The following KIAA1549 variants were observed in gnomAD, a reference collection of about 807,000 sequenced individuals.
The protein encoded by KIAA1549 is KIAA1549, also known as UPF0606 protein KIAA1549.
A neutral mutation model predicts 156.4 loss-of-function variants in KIAA1549; 70 were observed. The observed-to-expected ratio is 0.45, with a 90% confidence interval of 0.37 to 0.55. The LOEUF (loss-of-function observed/expected upper bound fraction) is 0.55. Ranked by LOEUF, KIAA1549 falls within the 20% of genes least tolerant of loss-of-function variation. The pLI, the probability that KIAA1549 is intolerant of heterozygous loss-of-function variation, is 0.00. For missense variants in KIAA1549, 2,428 were observed against 2,540.9 expected, an observed-to-expected ratio of 0.96 and a Z score of 0.96; for synonymous variants, 1,103 against 1,066.4, an observed-to-expected ratio of 1.03 and a Z score of -0.67.
rs780665573 is a variant in KIAA1549 at position 138,916,883 on chromosome 7, C to A, written c.2743G>T (p.Ala915Ser). Residue 915 changes from alanine to serine, a missense_variant, in exon 2 of 20, where the codon GCT becomes TCT. This residue lies in a region of KIAA1549 where 762 missense variants were observed against 901.6 expected (regional missense o/e 0.85). Transcript: ENST00000422774. Reference protein sequence around the residue: ...ASQSPPESSAAPPLPSLRPVT... With the variant: ...ASQSPPESSASPPLPSLRPVT... ...GGACGCAGGGATGGCAGGGGAGGAG[C>A]AGCACTACTCTCTGGGGGGCTCTGA... is the stretch of plus-strand genomic sequence containing the variant. 2.9e-5 allele frequency: 46 copies of A among 1,613,632 alleles called. No homozygotes were observed. Among genetic ancestry groups the A allele is most frequent in the African/African-American group, 1.1e-4 (8 of 74,910 alleles).
At position 138,885,431 on chromosome 7, in the gene KIAA1549, G is replaced by A. The variant is rs144708153; in HGVS notation, c.4033-3847C>T. Among the ~76,000 whole-genome samples the A allele has an allele frequency of 3.5e-4, 53 of 152,086 alleles. No individual in the cohort carries two copies. In the East Asian group the frequency reaches 4.3e-3, roughly 12 times the overall value. On this transcript the variant is annotated intron_variant, in intron 10 of 19. Transcript: ENST00000422774. The stretch of plus-strand genomic sequence containing the variant: ...CCCATAAAACTTCCCTCCTGCCCCC[G>A]TCTCTTGCCCGACAGCCCCTTCTCT...
intron 1 of KIAA1549, among the ~76,000 whole-genome samples, chr7:138,980,598 G>A (rs544997607): frequency 6.6e-6 from 1 of 152,334 alleles, no homozygotes; most frequent in Admixed American, 6.5e-5. Context: ...GCTGTACGGG[G>A]GGACACGGCC....
chr7:138,874,529 T>C (rs1182810179), intron 12 of KIAA1549, among the ~76,000 whole-genome samples: 3 of 152,212 alleles, frequency 2.0e-5, no homozygotes, highest in Non-Finnish European at 4.4e-5. Flanking sequence ...TGCAGCAATA[T>C]GGCTGAGCTT....
Position 138,837,311 on chromosome 7 carries a change from T to C in KIAA1549, c.*595A>G. 4.4e-6 allele frequency: 1 copy of C among 228,586 alleles called. No individual in the cohort carries two copies. Among genetic ancestry groups the C allele is most frequent in the Non-Finnish European group, 8.7e-6 (1 of 115,210 alleles). The allele number at this position is 228,586 out of a possible 1,614,324, so 14.2% of individuals were successfully genotyped here. On this transcript the variant is annotated 3_prime_UTR_variant, in exon 20 of 20. Coordinates refer to ENST00000422774, the MANE Select transcript of KIAA1549 (RefSeq NM_001164665.2). Reference sequence around the variant, plus strand: ...CCAGAAGAAGGAGGAAGAATGCGGGTGATGGCTTTGTTTGGAGTCATCAGG... The same window carrying C: ...CCAGAAGAAGGAGGAAGAATGCGGGCGATGGCTTTGTTTGGAGTCATCAGG...
chr7:138,892,913 C>T (rs1475615922), intron 10 of KIAA1549, among the ~76,000 whole-genome samples: 2 of 152,162 alleles, frequency 1.3e-5, no homozygotes, highest in Non-Finnish European at 2.9e-5. Context: ...CAGGATGAGT[C>T]CTCCAAATCT....
At chr7:138,969,935 G>A (rs1043206691) in intron 1 of KIAA1549, among the ~76,000 whole-genome samples, 44 of 152,270 alleles carry the variant, frequency 2.9e-4, no homozygotes, top group African/African-American at 1.0e-3. Flanking sequence ...GGTAAATGGT[G>A]CGTCCATCCC....
intron 1 of KIAA1549, among the ~76,000 whole-genome samples, chr7:138,977,965 G>C (rs185075066): frequency 1.3e-4 from 20 of 152,330 alleles, no homozygotes; most frequent in African/African-American, 4.6e-4. Flanking sequence ...TTCCCAAAGT[G>C]CTGGGATTAC....
intron 1 of KIAA1549, among the ~76,000 whole-genome samples, chr7:138,947,021 T>G (rs1024190525): frequency 1.2e-4 from 18 of 152,218 alleles, no homozygotes; most frequent in African/African-American, 3.6e-4. Flanking sequence ...AAAACCACAG[T>G]AGAGCATTCA....
chr7:138,916,107 G>A (rs1812313304), intron 2 of KIAA1549, among the ~76,000 whole-genome samples: 1 of 152,110 alleles, frequency 6.6e-6, no homozygotes, highest in African/African-American at 2.4e-5. Context: ...GCATTTACAG[G>A]GACCTATAAG....
Position 138,917,264 on chromosome 7 carries a change from A to G in KIAA1549, c.2362T>C (p.Ser788Pro). 6.2e-7 allele frequency: 1 copy of G among 1,613,874 alleles called. No homozygotes were observed. Among genetic ancestry groups the G allele is most frequent in the Non-Finnish European group, 8.5e-7 (1 of 1,179,826 alleles). ...DILTAGIQAT[S>P]PLTTVHTTPI... Reference sequence around the variant, plus strand: ...GTTGTGTGGACAGTGGTCAATGGTGATGTTGCTTGAATCCCGGCAGTCAAA... The same window carrying G: ...GTTGTGTGGACAGTGGTCAATGGTGGTGTTGCTTGAATCCCGGCAGTCAAA... The change falls in exon 2 of 20, where the codon TCA becomes CCA. Residue 788 changes from serine (S) to proline (P), a missense_variant. Ser to Pro is a moderately conservative substitution (Grantham distance 74). Coordinates refer to ENST00000422774, the MANE Select transcript of KIAA1549 (RefSeq NM_001164665.2).
intron 1 of KIAA1549, among the ~76,000 whole-genome samples, chr7:138,956,910 C>G (rs1813682047): frequency 7.7e-6 from 1 of 129,120 alleles, no homozygotes; most frequent in Non-Finnish European, 1.6e-5. Context: ...AGGCCCAGTG[C>G]CAGGTGGAGG....
chr7:138,912,662 C>G (rs1812202965), intron 2 of KIAA1549, among the ~76,000 whole-genome samples: 1 of 151,914 alleles, frequency 6.6e-6, no homozygotes, highest in South Asian at 2.1e-4. Flanking sequence ...CAGTGGGGAC[C>G]TTGAAGACAC....
Position 138,861,439 on chromosome 7 carries a change from T to C in KIAA1549, c.4947A>G (p.Pro1649=). 1 of 1,610,758 alleles carries C rather than the reference T, an allele frequency of 6.2e-7. No homozygotes were observed. The highest frequency in any genetic ancestry group is 8.5e-7 in the Non-Finnish European group (1 of 1,178,506). The change falls in exon 16 of 20, where the codon CCA becomes CCG. Residue 1649 remains proline (P), a synonymous_variant. Coordinates refer to ENST00000422774, the MANE Select transcript of KIAA1549 (RefSeq NM_001164665.2). ...YIGCPSDPDL[P]ADVQTPSSVE... The stretch of plus-strand genomic sequence containing the variant: ...CCGAGGATGGTGTCTGCACATCGGC[T>C]GGGAGGTCAGGATCCGACTACAATG...
At chr7:138,978,023 A>G (rs976654667) in intron 1 of KIAA1549, among the ~76,000 whole-genome samples, 4 of 152,178 alleles carry the variant, frequency 2.6e-5, no homozygotes, top group African/African-American at 9.7e-5. Context: ...CTATGTAGCT[A>G]TTCATCAGCA....
chr7:138,849,491 C>T (rs1428493162), intron 17 of KIAA1549, among the ~76,000 whole-genome samples: 1 of 151,670 alleles, frequency 6.6e-6, no homozygotes, highest in Admixed American at 6.6e-5. Context: ...ATTTTGATTT[C>T]TTCAGGGTAC....
intron 1 of KIAA1549, among the ~76,000 whole-genome samples, chr7:138,975,243 CAA>C (rs1358719485): frequency 6.6e-6 from 1 of 151,926 alleles, no homozygotes; most frequent in Admixed American, 6.6e-5. Context: ...AAGAAAGAGA[CAA>C]AGAGAAAGAA....
At chr7:138,955,695 A>T (rs1431292034) in intron 1 of KIAA1549, among the ~76,000 whole-genome samples, 4 of 152,236 alleles carry the variant, frequency 2.6e-5, no homozygotes, top group Non-Finnish European at 5.9e-5. Context: ...TTGAAACACT[A>T]GGAAGATGCA....
At chr7:138,938,034 AC>A (rs1813068598) in intron 1 of KIAA1549, among the ~76,000 whole-genome samples, 1 of 152,040 alleles carries the variant, frequency 6.6e-6, no homozygotes, top group Non-Finnish European at 1.5e-5. Flanking sequence ...TTGAAACCTA[AC>A]CCGAAGGTGA....
intron 1 of KIAA1549, among the ~76,000 whole-genome samples, chr7:138,921,107 T>C (rs1156873716): frequency 6.6e-6 from 1 of 152,122 alleles, no homozygotes; most frequent in Non-Finnish European, 1.5e-5. Context: ...TTAGCCTAGA[T>C]AAGGAAAGAA....
Sources: allele counts gnomAD v4.1 joint callset (sites outside exome capture counted in the v4.1 genomes callset), GRCh38; gene constraint gnomAD v4.1.1; regional missense constraint gnomAD v4.1.1; transcripts MANE v1.5; gene names NCBI Gene and HGNC (gene_info 2026-07-23, HGNC 2026-07-21).